Variants in CCDC149 observed in about 807,000 individuals in gnomAD.
CCDC149 encodes the protein coiled-coil domain-containing protein 149.
In CCDC149, 45 loss-of-function variants were observed where a neutral mutation model predicts 59.9. The ratio of observed to expected loss-of-function variants is 0.75; its 90% CI spans 0.59 to 0.96. CCDC149 has a LOEUF of 0.96. Among genes scored for constraint, CCDC149 ranks in the 40% least tolerant of loss-of-function variants. The pLI, the probability that CCDC149 is intolerant of heterozygous loss-of-function variation, is 0.00. For missense variants in CCDC149, 584 were observed against 664.7 expected, an observed-to-expected ratio of 0.88 and a Z score of 1.33; for synonymous variants, 245 against 260.6, an observed-to-expected ratio of 0.94 and a Z score of 0.58.
intron 7 of CCDC149, 69 bp downstream of exon 7, chr4:24,836,367 G>T: frequency 9.4e-7 from 1 of 1,061,330 alleles, no homozygotes; most frequent in Non-Finnish European, 1.5e-6. Context: ...ACATAGAAGG[G>T]AATTAAAATA....
chr4:24,937,068 G>T (rs568864853), intron 1 of CCDC149, among the ~76,000 whole-genome samples: 3 of 152,186 alleles, frequency 2.0e-5, no homozygotes, highest in Non-Finnish European at 2.9e-5. Context: ...CATTGGTGGC[G>T]CCAAGGCGAA....
intron 3 of CCDC149, among the ~76,000 whole-genome samples, chr4:24,854,589 C>T (rs994905182): frequency 1.3e-5 from 2 of 152,158 alleles, no homozygotes; most frequent in Non-Finnish European, 2.9e-5. Context: ...AGGGAACTAA[C>T]CCGACTGGAA....
chr4:24,871,968 G>T (rs1220420948), intron 3 of CCDC149, among the ~76,000 whole-genome samples: 1 of 152,206 alleles, frequency 6.6e-6, no homozygotes, highest in Non-Finnish European at 1.5e-5. Flanking sequence ...AATAGGATTT[G>T]TGTGAGAAGG....
chr4:24,965,156 AT>A (rs1008899905), intron 1 of CCDC149, among the ~76,000 whole-genome samples: 1 of 151,220 alleles, frequency 6.6e-6, no homozygotes, highest in Non-Finnish European at 1.5e-5. Flanking sequence ...TAAATAAAAC[AT>A]GGTACTATAT....
chr4:24,855,207 T>A (rs1002904807), intron 3 of CCDC149, among the ~76,000 whole-genome samples: 1 of 151,942 alleles, frequency 6.6e-6, no homozygotes, highest in African/African-American at 2.4e-5. Flanking sequence ...CTAGGAGAGA[T>A]CAGGAATAAT....
intron 1 of CCDC149, among the ~76,000 whole-genome samples, chr4:24,931,829 G>GTGTATATATATATATATATATATATA (rs1373905167): frequency 1.3e-5 from 1 of 76,934 alleles, no homozygotes; most frequent in Non-Finnish European, 2.4e-5. Context: ...TGGAGAGTAT[G>GTGTATATATATATATATATATATATA]TATATATATA....
chr4:24,942,173 C>A (rs1189164042), intron 1 of CCDC149, among the ~76,000 whole-genome samples: 2 of 152,184 alleles, frequency 1.3e-5, no homozygotes, highest in African/African-American at 4.8e-5. Context: ...CCAAATCCAG[C>A]AACACATCAA....
chr4:24,954,370 C>T lies in CCDC149; in HGVS notation c.-65+25699G>A, dbSNP rs895146754. 3.9e-5 allele frequency among the ~76,000 whole-genome samples: 6 copies of T among 152,232 alleles called. No homozygotes were observed. The East Asian group carries it at 7.7e-4, about 20-fold the overall frequency. ...GGATGGCCCTGCCCCCAAGACTCCA[C>T]TATGTTTTGTGCTAGTGAGGGCTCT... is the stretch of plus-strand genomic sequence containing the variant. On this transcript the variant is annotated intron_variant, in intron 1 of 12. Transcript: ENST00000389609.
chr4:24,874,177 G>A (rs1186677500), intron 2 of CCDC149, among the ~76,000 whole-genome samples: 2 of 150,700 alleles, frequency 1.3e-5, no homozygotes, highest in South Asian at 4.2e-4. Context: ...AGAACAATCA[G>A]TGTTGGGAGG....
chr4:24,908,940 T>A (rs1218857353), intron 1 of CCDC149, among the ~76,000 whole-genome samples: 1 of 152,240 alleles, frequency 6.6e-6, no homozygotes, highest in Non-Finnish European at 1.5e-5. Flanking sequence ...ATTGCCTGCA[T>A]ACCTGTACTT....
chr4:24,963,378 C>G (rs773162283), intron 1 of CCDC149, among the ~76,000 whole-genome samples: 2 of 152,134 alleles, frequency 1.3e-5, no homozygotes, highest in Admixed American at 6.5e-5. Context: ...ACAGAGCCTC[C>G]ACCCCCATCC....
chr4:24,979,805 G>C (rs1488668530), intron 1 of CCDC149, among the ~76,000 whole-genome samples: 1 of 152,108 alleles, frequency 6.6e-6, no homozygotes, highest in East Asian at 1.9e-4. Context: ...AACTTGCTCA[G>C]CTCTCTCTAA....
At chr4:24,821,843 A>C (rs1715421588) in intron 10 of CCDC149, among the ~76,000 whole-genome samples, 1 of 152,220 alleles carries the variant, frequency 6.6e-6, no homozygotes, top group Non-Finnish European at 1.5e-5. Flanking sequence ...CAGCTAATTA[A>C]AGTAGAATAC....
rs371891630 is a variant in CCDC149 at position 24,977,497 on chromosome 4, T to C, written c.-65+2572A>G. 1.1e-4 allele frequency among the ~76,000 whole-genome samples: 17 copies of C among 152,338 alleles called. No homozygotes were observed. In the East Asian group the frequency reaches 2.3e-3, roughly 21 times the overall value. ...CCAGTTTGAATCAAGTCTCTGTCAT[T>C]TGTGGCCAAACAAATCCTAATTAAT... On this transcript the variant is annotated intron_variant, in intron 1 of 12. Coordinates refer to the CCDC149 transcript ENST00000389609.
chr4:24,962,165 C>T (rs1405128683), intron 1 of CCDC149, among the ~76,000 whole-genome samples: 1 of 152,146 alleles, frequency 6.6e-6, no homozygotes, highest in African/African-American at 2.4e-5. Flanking sequence ...TGAACAGACA[C>T]TTCTCAAAAG....
intron 1 of CCDC149, among the ~76,000 whole-genome samples, chr4:24,976,842 G>A (rs530932628): frequency 7.9e-5 from 12 of 152,292 alleles, no homozygotes; most frequent in African/African-American, 1.4e-4. Flanking sequence ...GGAGCCAAGC[G>A]GGGATTTGGA....
At chr4:24,861,201 T>G (rs566539998) in intron 3 of CCDC149, among the ~76,000 whole-genome samples, 1 of 151,818 alleles carries the variant, frequency 6.6e-6, no homozygotes, top group Non-Finnish European at 1.5e-5. Flanking sequence ...TGCAAAAATA[T>G]AGAACTAGCC....
At chr4:24,832,761 C>T (rs181000329) in intron 8 of CCDC149, among the ~76,000 whole-genome samples, 28 of 152,272 alleles carry the variant, frequency 1.8e-4, no homozygotes, top group African/African-American at 4.1e-4. Flanking sequence ...TCCCAAATTC[C>T]ATACTTCTGC....
chr4:24,925,965 C>T (rs911059307), intron 1 of CCDC149, among the ~76,000 whole-genome samples: 9 of 152,216 alleles, frequency 5.9e-5, no homozygotes, highest in Middle Eastern at 3.4e-3. Flanking sequence ...GAGGCTGAGA[C>T]GGGCAGATCA....
Sources: gnomAD v4.1 joint callset for allele counts (sites outside exome capture counted in the v4.1 genomes callset) on GRCh38, gnomAD v4.1.1 for gene constraint, MANE v1.5 for transcripts, NCBI Gene and HGNC (gene_info 2026-07-23, HGNC 2026-07-21) for gene names.